Variants in CNTN5 observed in about 807,000 individuals in gnomAD.
CNTN5 encodes contactin-5.
CNTN5 carries 77 observed loss-of-function variants against 129.1 expected under a neutral mutation model. That is an observed-to-expected ratio of 0.60 (90% CI 0.50 to 0.72). CNTN5 has a LOEUF of 0.72. Among genes scored for constraint, CNTN5 ranks in the 30% least tolerant of loss-of-function variants. The probability of loss-of-function intolerance (pLI) is 0.00; values close to 1 mark genes in which losing one functional copy is unlikely to be tolerated. For synonymous variants in CNTN5, 509 were observed against 465.6 expected (o/e 1.09, Z -1.20); for missense variants, 1,478 against 1,328.8 (o/e 1.11, Z -1.75).
intron 1 of CNTN5, among the ~76,000 whole-genome samples, chr11:99,227,921 C>T (rs17133336): frequency 0.017 from 2,649 of 152,132 alleles, 42 homozygotes; most frequent in African/African-American, 0.038. Context: ...TTTATACGCA[C>T]TATTGAAATT....
intron 3 of CNTN5, among the ~76,000 whole-genome samples, chr11:99,778,344 C>T (rs544022634): frequency 6.6e-5 from 10 of 151,896 alleles, no homozygotes; most frequent in African/African-American, 2.4e-4. Flanking sequence ...ATGACATCAC[C>T]TTACTCTAAA....
intron 2 of CNTN5, among the ~76,000 whole-genome samples, chr11:99,543,270 G>A (rs1251199621): frequency 6.6e-6 from 1 of 152,126 alleles, no homozygotes; most frequent in Non-Finnish European, 1.5e-5. Context: ...CACAAGAATA[G>A]CTAAATATAG....
chr11:100,016,807 C>A (rs1591060499), intron 9 of CNTN5, among the ~76,000 whole-genome samples: 1 of 151,584 alleles, frequency 6.6e-6, no homozygotes, highest in East Asian at 1.9e-4. Context: ...CATCTACCAC[C>A]CTGTTTTTTC....
At chr11:99,626,396 G>T (rs1487403841) in intron 3 of CNTN5, among the ~76,000 whole-genome samples, 1 of 152,104 alleles carries the variant, frequency 6.6e-6, no homozygotes, top group African/African-American at 2.4e-5. Context: ...TTTAGTGGAA[G>T]TATTCAGAGT....
chr11:99,629,068 A>G (rs1334501558), intron 3 of CNTN5, among the ~76,000 whole-genome samples: 1 of 152,070 alleles, frequency 6.6e-6, no homozygotes, highest in Non-Finnish European at 1.5e-5. Context: ...CTTACTAAAT[A>G]CTCACAGAAA....
chr11:99,844,833 G>A lies in CNTN5; in HGVS notation c.278-19G>A, dbSNP rs774129068. ...GCTAGTTTAAGGAAATTTAAAATGTGTCTGTTTTGTCTTTACAGAAAGTGT... is the reference window on the plus strand; with the variant it reads ...GCTAGTTTAAGGAAATTTAAAATGTATCTGTTTTGTCTTTACAGAAAGTGT... On this transcript the variant is annotated intron_variant, in intron 4 of 24. Transcript: ENST00000524871. The A allele has an allele frequency of 6.3e-7, 1 of 1,593,694 alleles. No individual in the cohort carries two copies. The highest frequency in any genetic ancestry group is 8.5e-7 in the Non-Finnish European group (1 of 1,170,626).
chr11:100,011,826 T>C (rs1176814283), intron 9 of CNTN5, among the ~76,000 whole-genome samples: 1 of 152,182 alleles, frequency 6.6e-6, no homozygotes, highest in African/African-American at 2.4e-5. Context: ...TCCTCACCCC[T>C]TAGCTAAGCT....
intron 3 of CNTN5, among the ~76,000 whole-genome samples, chr11:99,577,141 C>T (rs540306264): frequency 2.6e-5 from 4 of 152,202 alleles, no homozygotes; most frequent in Non-Finnish European, 5.9e-5. Flanking sequence ...AAAGACAGGG[C>T]TTAAGAGGGA....
chr11:99,739,042 T>C (rs2135147185), intron 3 of CNTN5, among the ~76,000 whole-genome samples: 1 of 152,308 alleles, frequency 6.6e-6, no homozygotes, highest in East Asian at 1.9e-4. Flanking sequence ...CTGAGTCTTC[T>C]GGGGCCTAGT....
intron 2 of CNTN5, among the ~76,000 whole-genome samples, chr11:99,414,571 G>T (rs776492265): frequency 7.9e-5 from 12 of 152,132 alleles, no homozygotes; most frequent in Non-Finnish European, 1.5e-4. Context: ...ATGAGGTCAG[G>T]CTAGGCAGAA....
intron 15 of CNTN5, among the ~76,000 whole-genome samples, chr11:100,220,332 A>G (rs529663687): frequency 6.6e-6 from 1 of 152,206 alleles, no homozygotes; most frequent in African/African-American, 2.4e-5. Flanking sequence ...TACTAGGAAA[A>G]TATTTTAACT....
chr11:99,437,798 G>C (rs1943659394), intron 2 of CNTN5, among the ~76,000 whole-genome samples: 1 of 151,946 alleles, frequency 6.6e-6, no homozygotes, highest in Non-Finnish European at 1.5e-5. Context: ...AATCCAGCCT[G>C]GGCAAAAAAG....
At chr11:100,236,941 G>A (rs956726374) in intron 16 of CNTN5, among the ~76,000 whole-genome samples, 3 of 152,138 alleles carry the variant, frequency 2.0e-5, no homozygotes, top group Non-Finnish European at 4.4e-5. Flanking sequence ...TGTAATCCCA[G>A]CACTTTGGGA....
chr11:99,216,066 A>T (rs955531074), intron 1 of CNTN5, among the ~76,000 whole-genome samples: 3 of 152,092 alleles, frequency 2.0e-5, no homozygotes, highest in African/African-American at 7.2e-5. Flanking sequence ...ACAATAAGTT[A>T]TTGTTAACTA....
chr11:99,144,823 T>G (rs1859699561), intron 1 of CNTN5, among the ~76,000 whole-genome samples: 1 of 152,122 alleles, frequency 6.6e-6, no homozygotes, highest in South Asian at 2.1e-4. Context: ...TAAAATTTCT[T>G]TTTATCGCCT....
At chr11:100,011,406 G>T (rs1940525426) in intron 9 of CNTN5, among the ~76,000 whole-genome samples, 1 of 152,102 alleles carries the variant, frequency 6.6e-6, no homozygotes. Context: ...TGACAGGCCT[G>T]CCAGCTAATA....
intron 1 of CNTN5, among the ~76,000 whole-genome samples, chr11:99,123,231 A>T: frequency 6.6e-6 from 1 of 151,812 alleles, no homozygotes; most frequent in East Asian, 1.9e-4. Flanking sequence ...CTTTTTAATA[A>T]CGGTCATTCT....
At chr11:100,254,463 G>A (rs1453816759) in intron 16 of CNTN5, among the ~76,000 whole-genome samples, 2 of 152,032 alleles carry the variant, frequency 1.3e-5, no homozygotes, top group African/African-American at 4.8e-5. Context: ...TCTTCTCAAG[G>A]TTGCCCTCTA....
intron 4 of CNTN5, among the ~76,000 whole-genome samples, chr11:99,836,956 A>C (rs1330845248): frequency 1.3e-5 from 2 of 152,164 alleles, no homozygotes; most frequent in African/African-American, 4.8e-5. Context: ...GGAGTGTAGC[A>C]GTGAAGATGA....
Sources: allele counts gnomAD v4.1 joint callset (sites outside exome capture counted in the v4.1 genomes callset), GRCh38; gene constraint gnomAD v4.1.1; transcripts MANE v1.5; gene names NCBI Gene and HGNC (gene_info 2026-07-23, HGNC 2026-07-21).